The following ANK3 variants were observed in gnomAD, a reference collection of about 807,000 sequenced individuals.
The protein encoded by ANK3 is ankyrin 3.
Under a neutral mutation model 370.9 loss-of-function variants are expected in ANK3, and 57 were observed. That is an observed-to-expected ratio of 0.15 (90% CI 0.12 to 0.19). ANK3 has a LOEUF of 0.19. Ranked by LOEUF, ANK3 falls within the 10% of genes least tolerant of loss-of-function variation. ANK3 has a pLI of 1.00. For missense variants in ANK3, 4,439 were observed against 5,302.1 expected, an observed-to-expected ratio of 0.84 and a Z score of 5.06; for synonymous variants, 1,929 against 1,946.3, an observed-to-expected ratio of 0.99 and a Z score of 0.23.
chr10:60,220,431 C>G (rs540354095), intron 8 of ANK3, among the ~76,000 whole-genome samples: 1 of 152,274 alleles, frequency 6.6e-6, no homozygotes, highest in Non-Finnish European at 1.5e-5. Flanking sequence ...CTGCCCTCCT[C>G]CTTTTCGGAA....
intron 1 of ANK3, among the ~76,000 whole-genome samples, chr10:60,715,016 C>T (rs10761550): frequency 6.6e-6 from 1 of 151,912 alleles, no homozygotes; most frequent in Admixed American, 6.5e-5. Context: ...TATTCTTCAT[C>T]AATTCTAACA....
chr10:60,588,606 T>G (rs1412772492), intron 2 of ANK3, among the ~76,000 whole-genome samples: 1 of 151,776 alleles, frequency 6.6e-6, no homozygotes, highest in Non-Finnish European at 1.5e-5. Context: ...AAGAACAAAT[T>G]ACCTAATTCT....
chr10:60,719,698 T>G (rs1026249222), intron 1 of ANK3, among the ~76,000 whole-genome samples: 1 of 152,172 alleles, frequency 6.6e-6, no homozygotes, highest in Admixed American at 6.5e-5. Context: ...TTCTTCACAA[T>G]ATGTACAAGT....
chr10:60,533,174 T>A (rs937160783), intron 2 of ANK3, among the ~76,000 whole-genome samples: 1 of 152,226 alleles, frequency 6.6e-6, no homozygotes, highest in Admixed American at 6.5e-5. Flanking sequence ...CAAAAGGAAC[T>A]GGTACCAGGC....
chr10:60,621,891 G>A (rs1321505168), intron 1 of ANK3, among the ~76,000 whole-genome samples: 1 of 151,866 alleles, frequency 6.6e-6, no homozygotes, highest in Non-Finnish European at 1.5e-5. Flanking sequence ...TTTGAACCCT[G>A]GCCTGGAATA....
At chr10:60,080,418 C>T in intron 36 of ANK3, 119 bp downstream of exon 36, 1 of 852,286 alleles carries the variant, frequency 1.2e-6, no homozygotes, top group South Asian at 1.6e-5. Context: ...ACAGGGTTTT[C>T]CTGCAGGCAA....
chr10:60,233,437 T>G (rs540965841), intron 8 of ANK3, among the ~76,000 whole-genome samples: 1 of 152,182 alleles, frequency 6.6e-6, no homozygotes, highest in African/African-American at 2.4e-5. Flanking sequence ...ATTTTTTAAT[T>G]AAAAAATGTT....
intron 2 of ANK3, among the ~76,000 whole-genome samples, chr10:60,588,196 ATTATT>A (rs2077859847): frequency 8.3e-6 from 1 of 120,776 alleles, no homozygotes; most frequent in East Asian, 2.4e-4. Flanking sequence ...TATTATTATT[ATTATT>A]TGAGATGGAT....
At chr10:60,610,294 C>G (rs1189814850) in intron 2 of ANK3, among the ~76,000 whole-genome samples, 1 of 152,082 alleles carries the variant, frequency 6.6e-6, no homozygotes, top group African/African-American at 2.4e-5. Flanking sequence ...AGCAGATCAC[C>G]TGGGGTCAGG....
chr10:60,671,419 C>T (rs2079063037), intron 1 of ANK3, among the ~76,000 whole-genome samples: 1 of 152,214 alleles, frequency 6.6e-6, no homozygotes, highest in Admixed American at 6.5e-5. Flanking sequence ...AGGTCACTTC[C>T]TCTCAGAGGT....
At chr10:60,298,646 A>T (rs1057308287) in intron 1 of ANK3, among the ~76,000 whole-genome samples, 4 of 152,192 alleles carry the variant, frequency 2.6e-5, no homozygotes, top group Non-Finnish European at 4.4e-5. Context: ...CCACCAAAAC[A>T]GAAAACACTG....
intron 8 of ANK3, among the ~76,000 whole-genome samples, chr10:60,223,941 G>GC (rs894582105): frequency 2.0e-5 from 3 of 148,414 alleles, no homozygotes; most frequent in Non-Finnish European, 4.4e-5. Context: ...TTAGAGCCAC[G>GC]CTTTTTTTTT....
intron 2 of ANK3, among the ~76,000 whole-genome samples, chr10:60,606,199 T>G (rs1395732391): frequency 2.0e-5 from 3 of 152,176 alleles, no homozygotes; most frequent in African/African-American, 7.2e-5. Context: ...TTAAAAATGA[T>G]GCATTTCTTA....
chr10:60,577,862 G>A (rs2077702144), intron 2 of ANK3, among the ~76,000 whole-genome samples: 1 of 152,130 alleles, frequency 6.6e-6, no homozygotes, highest in Admixed American at 6.5e-5. Context: ...CAGTGACATT[G>A]GTACATCTTC....
At chr10:60,580,816 G>A (rs534773040) in intron 2 of ANK3, among the ~76,000 whole-genome samples, 1 of 152,252 alleles carries the variant, frequency 6.6e-6, no homozygotes, top group Admixed American at 6.5e-5. Context: ...GTCTAGCCCA[G>A]CTGGCCAGGC....
intron 1 of ANK3, among the ~76,000 whole-genome samples, chr10:60,344,542 C>T (rs1052230346): frequency 6.6e-6 from 1 of 152,050 alleles, no homozygotes; most frequent in Non-Finnish European, 1.5e-5. Context: ...CAAGGTATTC[C>T]CACGCACACG....
intron 20 of ANK3, among the ~76,000 whole-genome samples, chr10:60,172,657 T>C (rs2095823873): frequency 6.6e-6 from 1 of 152,230 alleles, no homozygotes; most frequent in South Asian, 2.1e-4. Flanking sequence ...ACAATTTTTT[T>C]TTCTTACATG....
At chr10:60,601,172 C>T (rs1442544) in intron 2 of ANK3, among the ~76,000 whole-genome samples, 55 of 147,210 alleles carry the variant, frequency 3.7e-4, no homozygotes, top group African/African-American at 1.2e-3. Context: ...ATTTATACAA[C>T]GCACACACAC....
rs61854540 is a variant in ANK3, at chr10:60,702,700, C to T, written c.57+30563G>A. On this transcript the variant is annotated intron_variant, in intron 1 of 43. Transcript: ENST00000373827. ...GAAGCATTTCGGCTAATAAAGAAAA[C>T]GAACTATGGGTTTAGAAAAGAAGAA... Among the ~76,000 whole-genome samples, 618 of 152,034 alleles carry T rather than the reference C, an allele frequency of 4.1e-3. 6 individuals carry two copies. Among genetic ancestry groups the T allele is most frequent in the Middle Eastern group, 0.014 (4 of 294 alleles).
Sources: gnomAD v4.1 joint callset for allele counts (sites outside exome capture counted in the v4.1 genomes callset) on GRCh38, gnomAD v4.1.1 for gene constraint, MANE v1.5 for transcripts, NCBI Gene and HGNC (gene_info 2026-07-23, HGNC 2026-07-21) for gene names.